FHIT: variants seen among roughly 807,000 people sequenced by gnomAD.
FHIT encodes the protein bis(5'-adenosyl)-triphosphatase.
Under a neutral mutation model 17.9 loss-of-function variants are expected in FHIT, and 19 were observed. That is an observed-to-expected ratio of 1.06 (90% CI 0.74 to 1.56). The LOEUF (loss-of-function observed/expected upper bound fraction) is 1.56, where lower values mean the gene tolerates loss of function less well. FHIT is among the 40% of genes most tolerant of loss of function. The probability of loss-of-function intolerance (pLI) is 0.00; values close to 1 mark genes in which losing one functional copy is unlikely to be tolerated. For synonymous variants in FHIT, 81 were observed against 69.7 expected, an observed-to-expected ratio of 1.16 and a Z score of -0.81; for missense variants, 248 against 189.2, an observed-to-expected ratio of 1.31 and a Z score of -1.82.
intron 5 of FHIT, among the ~76,000 whole-genome samples, chr3:60,095,575 G>A (rs995730590): frequency 1.3e-5 from 2 of 152,324 alleles, no homozygotes; most frequent in African/African-American, 4.8e-5. Context: ...TTGCTCAGGA[G>A]AAAGGCTATT....
chr3:60,825,433 T>A (rs1317379390), intron 3 of FHIT, among the ~76,000 whole-genome samples: 1 of 152,204 alleles, frequency 6.6e-6, no homozygotes, highest in Non-Finnish European at 1.5e-5. Flanking sequence ...AAGGAAAATG[T>A]TAACATACAA....
chr3:60,211,689 G>T (rs962873644), intron 5 of FHIT, among the ~76,000 whole-genome samples: 2 of 152,110 alleles, frequency 1.3e-5, no homozygotes, highest in Non-Finnish European at 2.9e-5. Flanking sequence ...ATAAATCAAA[G>T]AATTATGATG....
intron 3 of FHIT, among the ~76,000 whole-genome samples, chr3:60,868,390 G>A (rs1046296785): frequency 1.3e-5 from 2 of 152,088 alleles, no homozygotes; most frequent in East Asian, 3.9e-4. Context: ...CCAAGAAAGT[G>A]TTCCTGCTTG....
At chr3:60,927,530 G>A (rs1196128532) in intron 3 of FHIT, among the ~76,000 whole-genome samples, 2 of 151,936 alleles carry the variant, frequency 1.3e-5, no homozygotes, top group African/African-American at 2.4e-5. Context: ...ACCCCGTGTA[G>A]GAAGTGAGGA....
At chr3:60,508,888 T>TA (rs1429892230) in intron 5 of FHIT, among the ~76,000 whole-genome samples, 46 of 152,034 alleles carry the variant, frequency 3.0e-4, no homozygotes, top group Admixed American at 1.4e-3. Flanking sequence ...TATTTGGTTT[T>TA]AAAAAAAACT....
chr3:61,127,526 C>G (rs1293374873), intron 2 of FHIT, among the ~76,000 whole-genome samples: 2 of 152,054 alleles, frequency 1.3e-5, no homozygotes, highest in East Asian at 1.9e-4. Context: ...ACAAACCCCC[C>G]CTGACAGTTT....
intron 5 of FHIT, among the ~76,000 whole-genome samples, chr3:60,039,340 G>C (rs1346418141): frequency 1.3e-5 from 2 of 152,060 alleles, no homozygotes; most frequent in Non-Finnish European, 2.9e-5. Context: ...TCATACATGG[G>C]GCTTTGGCAT....
intron 3 of FHIT, among the ~76,000 whole-genome samples, chr3:61,001,815 T>C (rs1429297730): frequency 2.0e-5 from 3 of 152,212 alleles, no homozygotes; most frequent in Non-Finnish European, 4.4e-5. Context: ...AATGAGTACC[T>C]GCATAACTGG....
chr3:59,879,303 GTCACTGCAAGCCAGA>G (rs1239074471), intron 8 of FHIT, among the ~76,000 whole-genome samples: 1 of 152,188 alleles, frequency 6.6e-6, no homozygotes, highest in Non-Finnish European at 1.5e-5. Flanking sequence ...ATCTCTGACT[GTCACTGCAAGCCAGA>G]ACATGAGGAT....
At chr3:60,256,121 G>A (rs1165699275) in intron 5 of FHIT, among the ~76,000 whole-genome samples, 1 of 152,154 alleles carries the variant, frequency 6.6e-6, no homozygotes, top group East Asian at 1.9e-4. Context: ...CAGTGGCTCA[G>A]CTAGCTCTCA....
chr3:59,805,736 C>T (rs144627447), intron 8 of FHIT, among the ~76,000 whole-genome samples: 1 of 152,138 alleles, frequency 6.6e-6, no homozygotes, highest in East Asian at 1.9e-4. Context: ...TGGCCAGAGT[C>T]AAATTTTGCC....
chr3:59,936,951 C>G (rs1192654179), intron 7 of FHIT, among the ~76,000 whole-genome samples: 1 of 152,100 alleles, frequency 6.6e-6, no homozygotes, highest in Non-Finnish European at 1.5e-5. Context: ...GAAAGTAGAA[C>G]CAGAAATTTG....
At chr3:61,131,852 A>G (rs925158891) in intron 2 of FHIT, among the ~76,000 whole-genome samples, 4 of 152,208 alleles carry the variant, frequency 2.6e-5, no homozygotes, top group African/African-American at 9.6e-5. Flanking sequence ...TTGGTGTCAG[A>G]ACGGGATTAA....
chr3:59,927,683 CG>C (rs1235470715), intron 7 of FHIT, among the ~76,000 whole-genome samples: 10 of 152,036 alleles, frequency 6.6e-5, no homozygotes, highest in Admixed American at 5.2e-4. Flanking sequence ...GTAGGAGAAT[CG>C]CTTGAACCCG....
chr3:61,129,687 C>T (rs1010510368), intron 2 of FHIT, among the ~76,000 whole-genome samples: 1 of 152,190 alleles, frequency 6.6e-6, no homozygotes, highest in Non-Finnish European at 1.5e-5. Context: ...AAATCTTGAA[C>T]ATTGACTATT....
intron 5 of FHIT, among the ~76,000 whole-genome samples, chr3:60,298,692 T>C (rs988147449): frequency 6.6e-5 from 10 of 152,188 alleles, no homozygotes; most frequent in African/African-American, 2.2e-4. Flanking sequence ...TTTCACCACA[T>C]GCTTTTTCTG....
chr3:59,837,579 A>G (rs1701384231), intron 8 of FHIT, among the ~76,000 whole-genome samples: 1 of 152,152 alleles, frequency 6.6e-6, no homozygotes, highest in Non-Finnish European at 1.5e-5. Flanking sequence ...GTCCCATGGA[A>G]TCCTATTTGA....
intron 2 of FHIT, among the ~76,000 whole-genome samples, chr3:61,197,628 A>G (rs1472662681): frequency 6.6e-6 from 1 of 152,218 alleles, no homozygotes; most frequent in Admixed American, 6.5e-5. Context: ...TTTCAATCAC[A>G]TTTTACACAT....
chr3:60,664,751 C>A (rs1236833656), intron 4 of FHIT, among the ~76,000 whole-genome samples: 2 of 141,564 alleles, frequency 1.4e-5, no homozygotes, highest in African/African-American at 5.2e-5. Context: ...CTTCTATGTT[C>A]GTTGAATATA....
Sources: allele counts gnomAD v4.1 joint callset (sites outside exome capture counted in the v4.1 genomes callset), GRCh38; gene constraint gnomAD v4.1.1; transcripts MANE v1.5; gene names NCBI Gene and HGNC (gene_info 2026-07-23, HGNC 2026-07-21).